Variants in EXTL3 observed in about 807,000 individuals in gnomAD.
EXTL3 encodes the protein exostosin like glycosyltransferase 3.
A neutral mutation model predicts 69.3 loss-of-function variants in EXTL3; 27 were observed. The ratio of observed to expected loss-of-function variants is 0.39; its 90% CI spans 0.29 to 0.54. The LOEUF is 0.54. Ranked by LOEUF, EXTL3 falls within the 20% of genes least tolerant of loss-of-function variation. The pLI, the probability that EXTL3 is intolerant of heterozygous loss-of-function variation, is 0.69. For missense variants in EXTL3, 1,003 were observed against 1,231.8 expected (o/e 0.81, Z 2.78); for synonymous variants, 511 against 499.4 (o/e 1.02, Z -0.31).
rs1801994630 is a variant in EXTL3, at chr8:28,751,139, C to G, written c.*273C>G. 4.0e-6 allele frequency: 2 copies of G among 500,498 alleles called. No homozygotes were observed. Among genetic ancestry groups the G allele is most frequent in the East Asian group, 3.4e-5 (1 of 29,260 alleles). The allele number at this position is 500,498 out of a possible 1,614,324, so 31.0% of individuals were successfully genotyped here. ...ACTGTGGCGACTCTGCAGAGTCACT[C>G]ACACCGTTCGTACGCCCAGGACAGC... On this transcript the variant is annotated 3_prime_UTR_variant, in exon 7 of 7. Coordinates refer to ENST00000220562, the MANE Select transcript of EXTL3 (RefSeq NM_001440.4).
chr8:28,751,237 C>T lies in EXTL3; in HGVS notation c.*371C>T, dbSNP rs766338598. 6 of 272,638 alleles carry T rather than the reference C, an allele frequency of 2.2e-5. No individual in the cohort carries two copies. Among genetic ancestry groups the T allele is most frequent in the Non-Finnish European group, 3.6e-5 (5 of 139,786 alleles). 16.9% of individuals were successfully genotyped at this position (272,638 alleles called of 1,614,324 possible). A position where few individuals can be genotyped will look rare whatever the true frequency, so the allele number is the denominator to read the frequency against. The stretch of plus-strand genomic sequence containing the variant: ...AAGAGAAAGTTTCAGATTTGCCATT[C>T]AAGGCTTATTTATATATATGTGTGT... On this transcript the variant is annotated 3_prime_UTR_variant, in exon 7 of 7. Transcript: ENST00000220562.
In EXTL3 at chr8:28,655,489, C is replaced by CTTT. The variant is rs60021378; in HGVS notation, c.-53+32695_-53+32697dup. Reference sequence around the variant, plus strand: ...ATATACCTTGAGAATAAAAATCTTCCTTTTTTTTTTTTTTTTTTGAGACAG... The same window carrying CTTT: ...ATATACCTTGAGAATAAAAATCTTCCTTTTTTTTTTTTTTTTTTTTTGAGACAG... On this transcript the variant is annotated intron_variant, in intron 1 of 6. Transcript: ENST00000523149. Among the ~76,000 whole-genome samples, 162 of 130,974 alleles carry CTTT rather than the reference C, an allele frequency of 1.2e-3. 3 individuals carry two copies. The highest frequency in any genetic ancestry group is 3.9e-3 in the Middle Eastern group (1 of 258). 85.9% of individuals were successfully genotyped at this position (130,974 alleles called of 152,430 possible). A position where few individuals can be genotyped will look rare whatever the true frequency, so the allele number is the denominator to read the frequency against.
intron 1 of EXTL3, among the ~76,000 whole-genome samples, chr8:28,660,584 G>T (rs942567958): frequency 6.6e-6 from 1 of 152,052 alleles, no homozygotes; most frequent in Non-Finnish European, 1.5e-5. Context: ...ACTTTTAAGT[G>T]TACAGTTCAG....
rs1270494108 is a variant in EXTL3 at position 28,717,422 on chromosome 8, C to T, written c.1363C>T (p.Leu455=). The change falls in exon 3 of 7, where the codon CTG becomes TTG. Residue 455 remains leucine, a synonymous_variant. Transcript: ENST00000220562. This position sits in a 1 kb window ranked among gnomAD's most constrained non-coding sequence, Gnocchi z 8.3. ...GTGTGCAACACGGCTCTTCGAAGCC[C>T]TGGAAGTCGGTGCCGTCCCGGTGGT... The part of the protein sequence containing the change: ...SGCATRLFEA[L]EVGAVPVVLG... The T allele has an allele frequency of 6.2e-7, 1 of 1,614,186 alleles. No homozygotes were observed. Among genetic ancestry groups the T allele is most frequent in the Non-Finnish European group, 8.5e-7 (1 of 1,180,024 alleles).
intron 1 of EXTL3, among the ~76,000 whole-genome samples, chr8:28,677,438 C>T (rs1329112797): frequency 6.6e-6 from 1 of 152,142 alleles, no homozygotes; most frequent in African/African-American, 2.4e-5. Flanking sequence ...AGGGATGACT[C>T]GCTACAGATG....
rs981690981 is a variant in EXTL3, at chr8:28,738,960, C to G, written c.2421+1297C>G. Reference sequence around the variant, plus strand: ...GTGCCTCCACTGTCCTCACGGAAGACCCTCCCACCACTCTCTCTGCATGAA... The same window carrying G: ...GTGCCTCCACTGTCCTCACGGAAGAGCCTCCCACCACTCTCTCTGCATGAA... On this transcript the variant is annotated intron_variant, in intron 5 of 6. Transcript: ENST00000220562. Among the ~76,000 whole-genome samples the G allele has an allele frequency of 2.0e-5, 3 of 152,166 alleles. No homozygotes were observed. The East Asian group carries it at 5.8e-4, about 29-fold the overall frequency.
intron 3 of EXTL3, among the ~76,000 whole-genome samples, chr8:28,720,291 C>T (rs966925216): frequency 1.3e-5 from 2 of 152,104 alleles, no homozygotes; most frequent in African/African-American, 2.4e-5. Flanking sequence ...CAATTCAATA[C>T]GCTAAGGTTA....
intron 1 of EXTL3, among the ~76,000 whole-genome samples, chr8:28,679,395 A>G (rs1480657482): frequency 2.0e-5 from 3 of 152,098 alleles, no homozygotes; most frequent in East Asian, 1.9e-4. Flanking sequence ...ACAGTGAACC[A>G]AGATCGTGCC....
chr8:28,663,958 G>C (rs891695793), intron 1 of EXTL3, among the ~76,000 whole-genome samples: 1 of 152,148 alleles, frequency 6.6e-6, no homozygotes, highest in Non-Finnish European at 1.5e-5. Context: ...ATAGACTCCT[G>C]GGAAAAGAGG....
chr8:28,685,357 C>A (rs1475186729), intron 1 of EXTL3, among the ~76,000 whole-genome samples: 1 of 152,092 alleles, frequency 6.6e-6, no homozygotes, highest in Non-Finnish European at 1.5e-5. Context: ...TTGAACGTTT[C>A]TTCAGCTTCC....
chr8:28,628,473 A>G (rs1806527359), intron 1 of EXTL3, among the ~76,000 whole-genome samples: 3 of 152,172 alleles, frequency 2.0e-5, no homozygotes, highest in African/African-American at 2.4e-5. Context: ...TTGAGGCTGC[A>G]GTGAGCTATC....
intron 1 of EXTL3, among the ~76,000 whole-genome samples, chr8:28,648,090 A>T (rs1253708435): frequency 6.6e-6 from 1 of 152,080 alleles, no homozygotes. Flanking sequence ...TGGATAATGG[A>T]TTGGTCCAGC....
rs774735721 is a variant in EXTL3, at chr8:28,737,563, G to A, written c.2321G>A (p.Arg774His). 1 of 1,613,998 alleles carries A rather than the reference G, an allele frequency of 6.2e-7. No homozygotes were observed. Among genetic ancestry groups the A allele is most frequent in the East Asian group, 2.2e-5 (1 of 44,882 alleles). ...ARDRIVGFPGRYHAWDIPHQS... is the reference protein window; with the variant it reads ...ARDRIVGFPGHYHAWDIPHQS... ...GACCGCATCGTGGGCTTCCCTGGCC[G>A]TTACCACGCATGGGACATCCCCCAT... Residue 774 changes from arginine (R) to histidine (H), a missense_variant, in exon 5 of 7, where the codon CGT (arginine) becomes CAT (histidine). Arg to His is a conservative substitution (Grantham distance 29, BLOSUM62 0). Around this residue, in one of 2 missense-constraint regions of EXTL3, gnomAD observed 261 missense variants for 416.4 expected, o/e 0.63. Coordinates refer to ENST00000220562, the MANE Select transcript of EXTL3 (RefSeq NM_001440.4).
chr8:28,709,974 A>G (rs981473979), intron 1 of EXTL3, among the ~76,000 whole-genome samples: 1 of 152,208 alleles, frequency 6.6e-6, no homozygotes, highest in Non-Finnish European at 1.5e-5. Flanking sequence ...TGCTTGGTTC[A>G]GCCCTCCAAT....
intron 1 of EXTL3, among the ~76,000 whole-genome samples, chr8:28,671,833 G>A (rs1807299648): frequency 6.6e-6 from 1 of 152,116 alleles, no homozygotes; most frequent in African/African-American, 2.4e-5. Flanking sequence ...TTTATCGTAC[G>A]GTGAATTCAG....
At chr8:28,742,795 T>C in intron 5 of EXTL3, 2 of 391,092 alleles carry the variant, frequency 5.1e-6, no homozygotes, top group Admixed American at 3.7e-5. Context: ...GCATCTGACC[T>C]AGTTTGACAA....
chr8:28,724,531 G>C (rs1801368111), intron 3 of EXTL3, among the ~76,000 whole-genome samples: 1 of 151,876 alleles, frequency 6.6e-6, no homozygotes, highest in Admixed American at 6.6e-5. Flanking sequence ...ACTTTGGGAG[G>C]CCGAGATGGG....
At chr8:28,700,926 T>C (rs1239335247), upstream of EXTL3, 1 of 152,308 alleles carries the variant, frequency 6.6e-6, no homozygotes, top group African/African-American at 2.4e-5. Context: ...GTGTTCTTCT[T>C]TCCTGTCTTG....
chr8:28,679,968 GT>G (rs1435104157), intron 1 of EXTL3, among the ~76,000 whole-genome samples: 1 of 151,242 alleles, frequency 6.6e-6, no homozygotes, highest in African/African-American at 2.4e-5. Context: ...TATAGTAAAA[GT>G]AAAAACATTT....
Sources: allele counts gnomAD v4.1 joint callset (sites outside exome capture counted in the v4.1 genomes callset), GRCh38; gene constraint gnomAD v4.1.1; regional missense constraint gnomAD v4.1.1; non-coding constraint Gnocchi (gnomAD v3.1); transcripts MANE v1.5; gene names NCBI Gene and HGNC (gene_info 2026-07-23, HGNC 2026-07-21).